CLIP2: variants seen among roughly 807,000 people sequenced by gnomAD.
CLIP2 encodes CAP-Gly domain containing linker protein 2.
A neutral mutation model predicts 111.7 loss-of-function variants in CLIP2; 41 were observed. The observed-to-expected ratio is 0.37, with a 90% confidence interval of 0.29 to 0.48. The LOEUF is 0.48. CLIP2 is among the 20% of genes least tolerant of loss of function. The probability of loss-of-function intolerance (pLI) is 0.99; values close to 1 mark genes in which losing one functional copy is unlikely to be tolerated. For missense variants in CLIP2, 1,160 were observed against 1,422.1 expected (o/e 0.82, Z 2.96); for synonymous variants, 660 against 644.2 (o/e 1.02, Z -0.37).
At chr7:74,331,927 G>A (rs1300954678) in intron 2 of CLIP2, among the ~76,000 whole-genome samples, 2 of 152,014 alleles carry the variant, frequency 1.3e-5, no homozygotes, top group Non-Finnish European at 2.9e-5. Context: ...TACAAGGAGA[G>A]TGTATTTGTG....
At position 74,304,625 on chromosome 7, in the gene CLIP2, A is replaced by G. The variant is rs1432263685; in HGVS notation, c.-67-12855A>G. On this transcript the variant is annotated intron_variant, in intron 1 of 16. Coordinates refer to ENST00000223398, the MANE Select transcript of CLIP2 (RefSeq NM_003388.5). ...AGTAGACAGGATACATTGAACACCC[A>G]TGTGCACCCCATAGGGCTAGGAAAC... Among the ~76,000 whole-genome samples, 8 of 150,760 alleles carry G rather than the reference A, an allele frequency of 5.3e-5. No homozygotes were observed. In the Admixed American group the frequency reaches 5.3e-4, roughly 10 times the overall value.
chr7:74,350,933 G>GGAAAGGAAGGAAGGGAAA (rs1362687147), intron 3 of CLIP2, among the ~76,000 whole-genome samples: 4 of 141,098 alleles, frequency 2.8e-5, no homozygotes, highest in South Asian at 2.3e-4. Flanking sequence ...AGGAAGGGAA[G>GGAAAGGAAGGAAGGGAAA]GAAAGGAAGG....
Position 74,396,860 on chromosome 7 carries a change from T to C in CLIP2, c.2721-214T>C, listed in dbSNP as rs894139256. Among the ~76,000 whole-genome samples, 8 of 151,766 alleles carry C rather than the reference T, an allele frequency of 5.3e-5. No individual in the cohort carries two copies. In the Admixed American group the frequency reaches 5.3e-4, roughly 10 times the overall value. ...ACTTTAAAAAGTACTCTAGGAAAGG[T>C]CAAGTCCTCAGGACCATCCCAGCCC... On this transcript the variant is annotated intron_variant, in intron 13 of 16. Transcript: ENST00000223398.
At chr7:74,329,107 T>C (rs1789204238) in intron 2 of CLIP2, among the ~76,000 whole-genome samples, 1 of 147,558 alleles carries the variant, frequency 6.8e-6, no homozygotes, top group Non-Finnish European at 1.5e-5. Context: ...TTTTTTTTTT[T>C]AGTAGAGACG....
chr7:74,302,416 T>C (rs1554726992), intron 1 of CLIP2, among the ~76,000 whole-genome samples: 1 of 152,088 alleles, frequency 6.6e-6, no homozygotes, highest in Non-Finnish European at 1.5e-5. Context: ...GGTTTCACCA[T>C]GTTGGCCAGG....
intron 7 of CLIP2, among the ~76,000 whole-genome samples, chr7:74,361,280 C>T (rs1376427696): frequency 1.4e-5 from 2 of 147,398 alleles, no homozygotes; most frequent in African/African-American, 2.5e-5. Flanking sequence ...TACAATGGTG[C>T]GATCTCGGCT....
At position 74,364,324 on chromosome 7, in the gene CLIP2, C is replaced by A; in HGVS notation, c.1380+9C>A. 1 of 1,612,004 alleles carries A rather than the reference C, an allele frequency of 6.2e-7. No homozygotes were observed. Among genetic ancestry groups the A allele is most frequent in the Non-Finnish European group, 8.5e-7 (1 of 1,178,918 alleles). On this transcript the variant is annotated intron_variant, in intron 8 of 16. Transcript: ENST00000223398. ...CCAAGGGAGACCTGGAGGTAACAGT[C>A]AGAGGCCCCTTCCCTGGGCACACTT...
chr7:74,345,599 G>A (rs1291923639), intron 3 of CLIP2, among the ~76,000 whole-genome samples: 2 of 151,948 alleles, frequency 1.3e-5, no homozygotes, highest in African/African-American at 4.8e-5. Context: ...ATTTTGGGAG[G>A]CTGAGGGTGG....
chr7:74,379,005 G>T (rs782295112), intron 10 of CLIP2, among the ~76,000 whole-genome samples: 8 of 152,142 alleles, frequency 5.3e-5, no homozygotes, highest in Admixed American at 1.3e-4. Context: ...GTTCAGGGCA[G>T]GCAGAAACAG....
intron 1 of CLIP2, among the ~76,000 whole-genome samples, chr7:74,308,208 T>C (rs1159420753): frequency 6.6e-6 from 1 of 152,092 alleles, no homozygotes; most frequent in Non-Finnish European, 1.5e-5. Flanking sequence ...ACAGGTGGCC[T>C]CTGGGAGGTG....
chr7:74,372,403 G>A (rs1478105647), intron 8 of CLIP2, among the ~76,000 whole-genome samples: 6 of 125,666 alleles, frequency 4.8e-5, no homozygotes, highest in South Asian at 5.0e-4. Context: ...CACAGGCCTT[G>A]GGGGGGGGGG....
At chr7:74,312,793 C>G (rs1021950962) in intron 1 of CLIP2, among the ~76,000 whole-genome samples, 1 of 152,108 alleles carries the variant, frequency 6.6e-6, no homozygotes, top group African/African-American at 2.4e-5. Context: ...CCCGGCATGT[C>G]GGCTCCACTG....
At chr7:74,372,888 T>TTCC in intron 8 of CLIP2, 44 bp from the exon 9 acceptor site, 1 of 309,180 alleles carries the variant, frequency 3.2e-6, no homozygotes, top group Non-Finnish European at 6.2e-6. Flanking sequence ...CCTCCCTGCG[T>TTCC]CCCCGCCCCC....
chr7:74,321,827 T>C (rs958229899), intron 2 of CLIP2, among the ~76,000 whole-genome samples: 1 of 151,946 alleles, frequency 6.6e-6, no homozygotes, highest in Non-Finnish European at 1.5e-5. Context: ...AAGTCTGCAG[T>C]AGTGTACAGT....
intron 3 of CLIP2, among the ~76,000 whole-genome samples, chr7:74,342,825 A>G (rs1175076733): frequency 9.2e-5 from 14 of 152,150 alleles, no homozygotes; most frequent in Admixed American, 9.2e-4. Flanking sequence ...AGGCAGGCGG[A>G]TCACGACGTC....
chr7:74,367,154 C>T (rs1436886919), intron 8 of CLIP2, among the ~76,000 whole-genome samples: 1 of 152,026 alleles, frequency 6.6e-6, no homozygotes, highest in Admixed American at 6.6e-5. Flanking sequence ...AGACCCTATT[C>T]CAAAGAAGGT....
intron 1 of CLIP2, among the ~76,000 whole-genome samples, chr7:74,315,270 C>T (rs889410939): frequency 1.3e-5 from 2 of 151,678 alleles, no homozygotes; most frequent in Non-Finnish European, 2.9e-5. Context: ...AGCGAGAGTC[C>T]GTCACAAAAA....
intron 2 of CLIP2, among the ~76,000 whole-genome samples, chr7:74,332,706 C>A (rs1789325713): frequency 6.6e-6 from 1 of 152,102 alleles, no homozygotes. Context: ...TACCCACACC[C>A]ACATCATTCG....
rs35336151 is a variant in CLIP2, at chr7:74,366,875, CAAAAAAAAAAAAAA to C, written c.1380+2571_1380+2584del. Among the ~76,000 whole-genome samples, 3 of 66,112 alleles carry C rather than the reference CAAAAAAAAAAAAAA, an allele frequency of 4.5e-5. No individual in the cohort carries two copies. In the East Asian group the frequency reaches 1.5e-3, roughly 33 times the overall value. 43.4% of individuals were successfully genotyped at this position (66,112 alleles called of 152,430 possible). A position where few individuals can be genotyped will look rare whatever the true frequency, so the allele number is the denominator to read the frequency against. On this transcript the variant is annotated intron_variant, in intron 8 of 16. Coordinates refer to ENST00000223398, the MANE Select transcript of CLIP2 (RefSeq NM_003388.5). ...TGGGCAGCAGAGTGAGACTCCTTCT[CAAAAAAAAAAAAAA>C]AAAAAAAAAAGGCCTGAAATCAAGG...
Sources: gnomAD v4.1 joint callset for allele counts (sites outside exome capture counted in the v4.1 genomes callset) on GRCh38, gnomAD v4.1.1 for gene constraint, MANE v1.5 for transcripts, NCBI Gene and HGNC (gene_info 2026-07-23, HGNC 2026-07-21) for gene names.